The following NFRKB variants were observed in gnomAD, a reference collection of about 807,000 sequenced individuals.
NFRKB encodes nuclear factor related to kappa-B-binding protein.
NFRKB carries 62 observed loss-of-function variants against 135.7 expected under a neutral mutation model. The observed-to-expected ratio is 0.46, with a 90% CI of 0.37 to 0.56. NFRKB has a LOEUF of 0.56. Among genes scored for constraint, NFRKB ranks in the 20% least tolerant of loss-of-function variants. The pLI is 0.00. For synonymous variants in NFRKB, 678 were observed against 635.6 expected (o/e 1.07, Z -1.00); for missense variants, 1,545 against 1,662.0 (o/e 0.93, Z 1.22).
intron 18 of NFRKB, 48 bp downstream of exon 18, chr11:129,875,308 CT>C (rs1389038228): frequency 1.4e-6 from 2 of 1,434,696 alleles, no homozygotes; most frequent in Non-Finnish European, 9.6e-7. Context: ...GATAAGTTTT[CT>C]TAAATCCATT....
intron 15 of NFRKB, 93 bp from the exon 16 acceptor site, chr11:129,877,478 G>T: frequency 8.6e-7 from 1 of 1,161,322 alleles, no homozygotes; most frequent in Non-Finnish European, 1.3e-6. Context: ...CTGTGACATG[G>T]AAAGATGTCC....
At chr11:129,873,214 C>T (rs1948601296) in intron 22 of NFRKB, 118 bp from the exon 23 acceptor site, 1 of 834,790 alleles carries the variant, frequency 1.2e-6, no homozygotes, top group South Asian at 1.8e-5. Flanking sequence ...TCTAATCCCA[C>T]AGTACTTAAG....
At position 129,869,573 on chromosome 11, in the gene NFRKB, G is replaced by A. The variant is rs921985029; in HGVS notation, c.3452C>T (p.Thr1151Ile). 1.2e-6 allele frequency: 2 copies of A among 1,614,066 alleles called. No individual in the cohort carries two copies. Among genetic ancestry groups the A allele is most frequent in the African/African-American group, 1.3e-5 (1 of 74,928 alleles). ...TVAVASGAAS[T>I]PISISTGAPT... Reference sequence around the variant, plus strand: ...GGCTCCTGTGCTGATGCTGATGGGGGTGCTTGCAGCCCCAGAAGCCACAGC... The same window carrying A: ...GGCTCCTGTGCTGATGCTGATGGGGATGCTTGCAGCCCCAGAAGCCACAGC... The change falls in exon 24 of 27, where the codon ACC becomes ATC. Residue 1151 changes from threonine (T) to isoleucine (I), a missense_variant. Thr to Ile is a moderately conservative substitution (Grantham distance 89). Around this residue, in one of 3 missense-constraint regions of NFRKB, gnomAD observed 753 missense variants for 804.3 expected, o/e 0.94. Coordinates refer to ENST00000682444, the MANE Select transcript of NFRKB (RefSeq NM_001143835.2).
chr11:129,875,209 C>T (rs1169127956), intron 18 of NFRKB, 148 bp downstream of exon 18: 3 of 773,588 alleles, frequency 3.9e-6, no homozygotes, highest in Non-Finnish European at 6.1e-6. Flanking sequence ...GTTTCACTAA[C>T]AGCAAGCGTT....
chr11:129,881,695 A>G (rs1204018181), intron 12 of NFRKB, 32 bp downstream of exon 12: 1 of 1,610,638 alleles, frequency 6.2e-7, no homozygotes, highest in East Asian at 2.2e-5. Flanking sequence ...AAAGGGGGAA[A>G]AATACTGACC....
Position 129,885,526 on chromosome 11 carries a change from C to A in NFRKB, c.549G>T (p.Glu183Asp). Residue 183 changes from glutamate (E) to aspartate (D), a missense_variant, in exon 6 of 27, where the codon GAG becomes GAT. By Grantham distance (45) the Glu-to-Asp change is conservative (BLOSUM62 2). Around this residue, in one of 3 missense-constraint regions of NFRKB, gnomAD observed 678 missense variants for 646.7 expected, o/e 1.05. Coordinates refer to ENST00000682444, the MANE Select transcript of NFRKB (RefSeq NM_001143835.2). Reference protein sequence around the residue: ...KRPSPSRTPEEREWRTQQRYL... With the variant: ...KRPSPSRTPEDREWRTQQRYL... ...AGCGCTGCTGGGTCCGCCACTCCCG[C>A]TCCTCAGGTGTGCGGGATGGTGAAG... The A allele has an allele frequency of 6.2e-7, 1 of 1,614,178 alleles. No homozygotes were observed. The highest frequency in any genetic ancestry group is 8.5e-7 in the Non-Finnish European group (1 of 1,180,006).
At chr11:129,890,020 G>T in intron 3 of NFRKB, among the ~76,000 whole-genome samples, 1 of 119,442 alleles carries the variant, frequency 8.4e-6, no homozygotes, top group African/African-American at 3.1e-5. Context: ...ATACTTTTTG[G>T]GTTTTTTTGT....
chr11:129,888,566 C>G (rs1565423069), intron 4 of NFRKB, 28 bp downstream of exon 4: 3 of 1,610,266 alleles, frequency 1.9e-6, no homozygotes, highest in Admixed American at 1.7e-5. Context: ...CACCACCCCC[C>G]TCAAAGAAAG....
chr11:129,873,370 C>A (rs187756244), intron 22 of NFRKB, among the ~76,000 whole-genome samples: 14 of 152,314 alleles, frequency 9.2e-5, no homozygotes, highest in African/African-American at 3.4e-4. Context: ...GAAACTGAGA[C>A]AAAGAGGATA....
chr11:129,870,272 A>T lies in NFRKB; in HGVS notation c.2764-11T>A. On this transcript the variant is annotated splice_polypyrimidine_tract_variant and intron_variant, in intron 23 of 26. Coordinates refer to ENST00000682444, the MANE Select transcript of NFRKB (RefSeq NM_001143835.2). ...CCCAGTGATTGCCACCTGAATGGGGAGAAGCAGCACTGATGAGGGATTCAC... is the reference window on the plus strand; with the variant it reads ...CCCAGTGATTGCCACCTGAATGGGGTGAAGCAGCACTGATGAGGGATTCAC... The T allele has an allele frequency of 6.2e-7, 1 of 1,609,968 alleles. No individual in the cohort carries two copies. Among genetic ancestry groups the T allele is most frequent in the African/African-American group, 1.3e-5 (1 of 75,020 alleles).
chr11:129,888,609 G>A lies in NFRKB; in HGVS notation c.322C>T (p.Gln108Ter), dbSNP rs1166345232. ...FRFGNPLHIA[Q>*]KLFRDGHFNP... ...AGCTACAAACCTCGGAAAAGCTTCT[G>A]GGCAATGTGCAGAGGGTTTCCAAAG... is the stretch of plus-strand genomic sequence containing the variant. The change falls in exon 4 of 27, where the codon CAG becomes TAG. Residue 108 changes from glutamine to a stop codon, truncating the protein, a stop_gained. Transcript: ENST00000682444. LOFTEE classifies it high-confidence loss of function. The A allele has an allele frequency of 6.2e-7, 1 of 1,614,010 alleles. No individual in the cohort carries two copies. The highest frequency in any genetic ancestry group is 1.7e-5 in the Admixed American group (1 of 60,012).
chr11:129,888,555 C>T (rs760882205), intron 4 of NFRKB, 39 bp downstream of exon 4: 2 of 1,576,402 alleles, frequency 1.3e-6, no homozygotes, highest in Non-Finnish European at 1.7e-6. Context: ...GTGTGCCCAT[C>T]CACCACCCCC....
Position 129,876,728 on chromosome 11 carries a change from C to T in NFRKB, c.1740G>A (p.Leu580=). ...TCGACACGTGCCACCTACCAAGAGACAGAATGGTGACGTAGGCAGGCCGGT... is the reference window on the plus strand; with the variant it reads ...TCGACACGTGCCACCTACCAAGAGATAGAATGGTGACGTAGGCAGGCCGGT... The part of the protein sequence containing the change: ...RSDRPAYVTI[L]SLVRDAAARL... Residue 580 remains leucine, a synonymous_variant, in exon 17 of 27, where the codon CTG becomes CTA. Transcript: ENST00000682444. 1.9e-6 allele frequency: 3 copies of T among 1,612,630 alleles called. No individual in the cohort carries two copies. The highest frequency in any genetic ancestry group is 4.5e-5 in the East Asian group (2 of 44,846).
In NFRKB at chr11:129,892,769, C is replaced by T; in HGVS notation, c.81G>A (p.Glu27=). ...CTCTGGTGCCTCCCAGGAGGCAATC[C>T]TCCATGATGCGCGTGCCATGGCCAT... ...CGDGHGTRIM[E]DCLLGGTRVS... The change falls in exon 3 of 27, where the codon GAG becomes GAA. Residue 27 remains glutamate, a synonymous_variant. Transcript: ENST00000682444. 1 of 1,614,198 alleles carries T rather than the reference C, an allele frequency of 6.2e-7. No homozygotes were observed. Among genetic ancestry groups the T allele is most frequent in the African/African-American group, 1.3e-5 (1 of 75,050 alleles).
intron 3 of NFRKB, among the ~76,000 whole-genome samples, chr11:129,891,916 G>A (rs1352654295): frequency 6.6e-6 from 1 of 152,152 alleles, no homozygotes; most frequent in African/African-American, 2.4e-5. Context: ...TAAGACACTG[G>A]GTCAGGGAGA....
intron 23 of NFRKB, among the ~76,000 whole-genome samples, chr11:129,871,750 C>T (rs776899771): frequency 2.6e-5 from 4 of 152,180 alleles, no homozygotes; most frequent in Admixed American, 6.5e-5. Flanking sequence ...TCCCCATTTC[C>T]GTTCTTGTCC....
At chr11:129,892,046 T>A (rs1466322544) in intron 3 of NFRKB, among the ~76,000 whole-genome samples, 1 of 152,124 alleles carries the variant, frequency 6.6e-6, no homozygotes, top group Non-Finnish European at 1.5e-5. Context: ...TTCTTCCTTT[T>A]TTTTTTCTAT....
In NFRKB at chr11:129,876,903, G is replaced by A; in HGVS notation, c.1573-8C>T. On this transcript the variant is annotated splice_polypyrimidine_tract_variant and splice_region_variant and intron_variant, in intron 16 of 26. Coordinates refer to ENST00000682444, the MANE Select transcript of NFRKB (RefSeq NM_001143835.2). The stretch of plus-strand genomic sequence containing the variant: ...GCTATACCTGTAACGCTCCTACCAA[G>A]AGACAAGGGACAAGAGTTCTAGGTC... 1 of 1,612,422 alleles carries A rather than the reference G, an allele frequency of 6.2e-7. No individual in the cohort carries two copies. The highest frequency in any genetic ancestry group is 8.5e-7 in the Non-Finnish European group (1 of 1,179,168).
chr11:129,888,562 C>A, intron 4 of NFRKB, 32 bp downstream of exon 4: 4 of 1,595,742 alleles, frequency 2.5e-6, no homozygotes, highest in Middle Eastern at 1.7e-4. Flanking sequence ...CATCCACCAC[C>A]CCCCTCAAAG....
Sources: allele counts gnomAD v4.1 joint callset (sites outside exome capture counted in the v4.1 genomes callset), GRCh38; gene constraint gnomAD v4.1.1; regional missense constraint gnomAD v4.1.1; transcripts MANE v1.5; gene names NCBI Gene and HGNC (gene_info 2026-07-23, HGNC 2026-07-21).